CEP112: variants seen among roughly 807,000 people sequenced by gnomAD.
CEP112 encodes centrosomal protein 112.
In CEP112, 127 loss-of-function variants were observed where a neutral mutation model predicts 153.0. The observed-to-expected ratio is 0.83, with a 90% CI of 0.72 to 0.96. CEP112 has a LOEUF of 0.96. CEP112 is among the 40% of genes least tolerant of loss of function. CEP112 has a pLI of 0.00. For synonymous variants in CEP112, 358 were observed against 374.4 expected, an observed-to-expected ratio of 0.96 and a Z score of 0.51; for missense variants, 1,089 against 1,101.2, an observed-to-expected ratio of 0.99 and a Z score of 0.16.
At chr17:65,971,767 C>G (rs1294752922) in intron 17 of CEP112, among the ~76,000 whole-genome samples, 3 of 152,096 alleles carry the variant, frequency 2.0e-5, no homozygotes, top group Non-Finnish European at 4.4e-5. Flanking sequence ...CAAAAGAAAG[C>G]TGGAGTCGTG....
In CEP112 at chr17:65,933,148, A is replaced by G. The variant is rs1341580727; in HGVS notation, c.1873-5459T>C. Among the ~76,000 whole-genome samples the G allele has an allele frequency of 2.6e-5, 4 of 152,236 alleles. No homozygotes were observed. The East Asian group carries it at 7.7e-4, about 29-fold the overall frequency. On this transcript the variant is annotated intron_variant, in intron 18 of 26. Transcript: ENST00000535342. ...AAAATTATTGAGTCACAGGAGCAAAAAGTAAAAAGAATAAAGAAGGCTTAT... is the reference window on the plus strand; with the variant it reads ...AAAATTATTGAGTCACAGGAGCAAAGAGTAAAAAGAATAAAGAAGGCTTAT...
At chr17:66,018,917 A>G (rs2064882123) in intron 16 of CEP112, among the ~76,000 whole-genome samples, 1 of 152,198 alleles carries the variant, frequency 6.6e-6, no homozygotes, top group African/African-American at 2.4e-5. Context: ...AAAACAAGCA[A>G]TAGGTTATCT....
rs112428194 is a variant in CEP112, at chr17:66,054,052, C to T, written c.1075-173G>A. 2.6e-5 allele frequency among the ~76,000 whole-genome samples: 4 copies of T among 152,040 alleles called. 1 individual carries two copies. Among genetic ancestry groups the T allele is most frequent in the Non-Finnish European group, 4.4e-5 (3 of 67,994 alleles). On this transcript the variant is annotated intron_variant, in intron 11 of 26. Coordinates refer to ENST00000535342, the MANE Select transcript of CEP112 (RefSeq NM_001199165.4). ...CAAGGTAAAGATATCATATAAAAAG[C>T]AGGATCAAGAAACACTTAATTTTTC...
intron 16 of CEP112, among the ~76,000 whole-genome samples, chr17:66,016,405 G>A (rs532334275): frequency 2.9e-4 from 44 of 152,210 alleles, no homozygotes; most frequent in East Asian, 9.7e-4. Flanking sequence ...CTTCTATTAC[G>A]TGTCTCTAAG....
chr17:66,029,840 C>T, intron 13 of CEP112, 29 bp downstream of exon 13: 1 of 1,592,818 alleles, frequency 6.3e-7, no homozygotes, highest in South Asian at 1.1e-5. Flanking sequence ...TATAGCTACA[C>T]CTGATAAATA....
intron 23 of CEP112, among the ~76,000 whole-genome samples, chr17:65,721,012 T>A (rs962305933): frequency 7.2e-6 from 1 of 139,808 alleles, no homozygotes; most frequent in African/African-American, 2.8e-5. Flanking sequence ...TCTCTCTCTT[T>A]TTTTTTTTTT....
chr17:65,766,686 G>A (rs1256270128), intron 21 of CEP112, among the ~76,000 whole-genome samples: 1 of 143,476 alleles, frequency 7.0e-6, no homozygotes, highest in Non-Finnish European at 1.5e-5. Flanking sequence ...AGGGATGGAA[G>A]AAGCTATTGC....
At chr17:66,143,653 T>C (rs1252494460) in intron 4 of CEP112, among the ~76,000 whole-genome samples, 1 of 152,226 alleles carries the variant, frequency 6.6e-6, no homozygotes, top group African/African-American at 2.4e-5. Flanking sequence ...TATAGCTTCA[T>C]TTGAAAGAGT....
chr17:65,647,547 C>T (rs1426057933), intron 24 of CEP112, among the ~76,000 whole-genome samples: 1 of 145,374 alleles, frequency 6.9e-6, no homozygotes, highest in African/African-American at 2.6e-5. Flanking sequence ...ACAATCACAG[C>T]TTATTGCAGC....
chr17:66,029,852 C>G lies in CEP112; in HGVS notation c.1373+17G>C, dbSNP rs1438662563. 3.1e-6 allele frequency: 5 copies of G among 1,607,006 alleles called. No homozygotes were observed. Among genetic ancestry groups the G allele is most frequent in the Non-Finnish European group, 4.3e-6 (5 of 1,175,308 alleles). On this transcript the variant is annotated intron_variant, in intron 13 of 26. Transcript: ENST00000535342. ...CTTTATAGCTACACCTGATAAATATCTGATTTCAGACAATACCTTGCCTTT... is the reference window on the plus strand; with the variant it reads ...CTTTATAGCTACACCTGATAAATATGTGATTTCAGACAATACCTTGCCTTT...
intron 24 of CEP112, among the ~76,000 whole-genome samples, chr17:65,655,867 T>C (rs182289707): frequency 2.0e-5 from 3 of 152,322 alleles, no homozygotes; most frequent in Admixed American, 6.5e-5. Flanking sequence ...CTGATGGAGA[T>C]GGAAAAGCTA....
chr17:65,645,907 C>A (rs1035150627), intron 24 of CEP112, among the ~76,000 whole-genome samples: 76 of 152,298 alleles, frequency 5.0e-4, no homozygotes, highest in African/African-American at 1.7e-3. Context: ...TGGGGTCAGG[C>A]CACAGCTATG....
intron 21 of CEP112, among the ~76,000 whole-genome samples, chr17:65,763,000 C>T (rs951654430): frequency 8.6e-5 from 13 of 152,016 alleles, no homozygotes; most frequent in Non-Finnish European, 1.9e-4. Context: ...GGTCTACTGG[C>T]AACAAACTCC....
intron 23 of CEP112, among the ~76,000 whole-genome samples, chr17:65,715,743 G>A (rs1242646113): frequency 1.3e-5 from 2 of 152,152 alleles, no homozygotes; most frequent in Admixed American, 6.5e-5. Flanking sequence ...AAGCCACTGC[G>A]CCTGGCCAAG....
At chr17:65,927,168 G>A (rs915689813) in intron 19 of CEP112, among the ~76,000 whole-genome samples, 2 of 151,938 alleles carry the variant, frequency 1.3e-5, no homozygotes, top group African/African-American at 4.8e-5. Context: ...TCTCTCACTG[G>A]TTCACTTGCT....
chr17:65,971,381 T>C (rs1055899668), intron 17 of CEP112, among the ~76,000 whole-genome samples: 5 of 87,914 alleles, frequency 5.7e-5, no homozygotes, highest in African/African-American at 7.4e-5. Flanking sequence ...TGTATGTACA[T>C]TGCATGTATA....
chr17:66,053,970 A>G, intron 11 of CEP112, 91 bp from the exon 12 acceptor site: 1 of 946,866 alleles, frequency 1.1e-6, no homozygotes, highest in East Asian at 2.6e-5. Flanking sequence ...ATATTCCTCT[A>G]TTTATATATA....
At chr17:66,147,213 T>G (rs2146651861) in intron 4 of CEP112, among the ~76,000 whole-genome samples, 1 of 152,262 alleles carries the variant, frequency 6.6e-6, no homozygotes, top group South Asian at 2.1e-4. Flanking sequence ...TAAGGTAACA[T>G]CTCATCATAG....
rs149907001 is a variant in CEP112, at chr17:65,709,804, C to T, written c.2608-20586G>A. On this transcript the variant is annotated intron_variant, in intron 23 of 26. Coordinates refer to ENST00000535342, the MANE Select transcript of CEP112 (RefSeq NM_001199165.4). ...CCTTTAAGAATATTCTTAAGAACAT[C>T]AGCTACATCTTACAGTTTTTCTTCC... Among the ~76,000 whole-genome samples the T allele has an allele frequency of 4.5e-4, 69 of 152,314 alleles. 1 individual carries two copies. In the East Asian group the frequency reaches 0.012, roughly 26 times the overall value.
Sources: allele counts gnomAD v4.1 joint callset (sites outside exome capture counted in the v4.1 genomes callset), GRCh38; gene constraint gnomAD v4.1.1; transcripts MANE v1.5; gene names NCBI Gene and HGNC (gene_info 2026-07-23, HGNC 2026-07-21).